Variants in MYO3B observed in about 807,000 individuals in gnomAD.
MYO3B encodes the protein myosin IIIB.
In MYO3B, 156 loss-of-function variants were observed where a neutral mutation model predicts 174.6. That is an observed-to-expected ratio of 0.89 (90% CI 0.78 to 1.02). The LOEUF (loss-of-function observed/expected upper bound fraction) is 1.02. MYO3B is among the 50% of genes least tolerant of loss of function. MYO3B has a pLI of 0.00. For synonymous variants in MYO3B, 563 were observed against 569.1 expected, an observed-to-expected ratio of 0.99 and a Z score of 0.15; for missense variants, 1,632 against 1,639.4, an observed-to-expected ratio of 1.00 and a Z score of 0.08.
intron 32 of MYO3B, among the ~76,000 whole-genome samples, chr2:170,572,588 C>A (rs1277262698): frequency 2.7e-5 from 4 of 146,786 alleles, no homozygotes; most frequent in African/African-American, 1.0e-4. Flanking sequence ...GCACTCCAGC[C>A]TGGGCAATGA....
At chr2:170,572,427 C>CA (rs570741105) in intron 32 of MYO3B, among the ~76,000 whole-genome samples, 9,853 of 132,236 alleles carry the variant, frequency 0.075, 517 homozygotes, top group East Asian at 0.27. Context: ...GACTCTGTCT[C>CA]AAAAAAAAAA....
chr2:170,361,007 C>T (rs911838346), intron 8 of MYO3B, among the ~76,000 whole-genome samples: 1 of 152,192 alleles, frequency 6.6e-6, no homozygotes, highest in Non-Finnish European at 1.5e-5. Context: ...ACTTATGTAG[C>T]ACTCATACTG....
intron 7 of MYO3B, 151 bp downstream of exon 7, chr2:170,236,287 G>C (rs1206602545): frequency 5.4e-6 from 5 of 933,194 alleles, no homozygotes; most frequent in Middle Eastern, 2.5e-4. Flanking sequence ...GGGGGGCTGG[G>C]GGGGACAGAG....
intron 32 of MYO3B, among the ~76,000 whole-genome samples, chr2:170,636,118 A>G (rs1333057686): frequency 3.9e-5 from 6 of 151,980 alleles, no homozygotes; most frequent in Non-Finnish European, 8.8e-5. Context: ...TAGATCTGAC[A>G]TATTCCAGTT....
intron 7 of MYO3B, among the ~76,000 whole-genome samples, chr2:170,272,382 C>T (rs1392366289): frequency 4.6e-5 from 7 of 152,096 alleles, no homozygotes; most frequent in Non-Finnish European, 8.8e-5. Context: ...TGGAGCAGTC[C>T]CCAGCTGGTC....
At chr2:170,436,754 G>T (rs2094757412) in intron 22 of MYO3B, among the ~76,000 whole-genome samples, 1 of 152,196 alleles carries the variant, frequency 6.6e-6, no homozygotes, top group African/African-American at 2.4e-5. Flanking sequence ...GGTGTGTGGG[G>T]TAGTGAACAG....
At chr2:170,548,562 T>C (rs1690687784) in intron 32 of MYO3B, among the ~76,000 whole-genome samples, 1 of 152,154 alleles carries the variant, frequency 6.6e-6, no homozygotes, top group African/African-American at 2.4e-5. Flanking sequence ...GTTATGATTT[T>C]AACAATAACT....
At chr2:170,456,590 C>A (rs28660515) in intron 23 of MYO3B, among the ~76,000 whole-genome samples, 8,118 of 152,236 alleles carry the variant, frequency 0.053, 273 homozygotes, top group South Asian at 0.087. Context: ...ATTTTTCTTA[C>A]CAATAAATAA....
At chr2:170,235,239 G>A (rs1189294531) in intron 6 of MYO3B, among the ~76,000 whole-genome samples, 2 of 152,174 alleles carry the variant, frequency 1.3e-5, no homozygotes, top group Non-Finnish European at 2.9e-5. Context: ...GCTCACTCCT[G>A]ACTTCTCCTA....
intron 16 of MYO3B, among the ~76,000 whole-genome samples, chr2:170,397,649 C>T (rs1208280624): frequency 1.3e-5 from 2 of 152,064 alleles, no homozygotes; most frequent in Non-Finnish European, 2.9e-5. Context: ...GGGTTTTTCT[C>T]CCCCATACCT....
chr2:170,471,051 C>CTT (rs548051129), intron 25 of MYO3B, among the ~76,000 whole-genome samples: 1 of 145,836 alleles, frequency 6.9e-6, no homozygotes, highest in Non-Finnish European at 1.5e-5. Flanking sequence ...GTTGTTTTCT[C>CTT]TTTTTTTTTT....
At chr2:170,639,821 G>C (rs1226588112) in intron 32 of MYO3B, among the ~76,000 whole-genome samples, 1 of 152,168 alleles carries the variant, frequency 6.6e-6, no homozygotes, top group Non-Finnish European at 1.5e-5. Context: ...GGAAACCAGA[G>C]ATAGTATTTC....
chr2:170,521,633 G>T (rs1393905492), intron 30 of MYO3B, among the ~76,000 whole-genome samples: 1 of 152,010 alleles, frequency 6.6e-6, no homozygotes, highest in Non-Finnish European at 1.5e-5. Flanking sequence ...CTGCCATCCA[G>T]GCCCTACCAC....
At chr2:170,319,166 A>T (rs779557381) in intron 7 of MYO3B, among the ~76,000 whole-genome samples, 1 of 152,190 alleles carries the variant, frequency 6.6e-6, no homozygotes, top group Non-Finnish European at 1.5e-5. Context: ...TCAATTCTCA[A>T]ACTGCACTAT....
At chr2:170,190,604 C>T (rs528149773) in intron 1 of MYO3B, among the ~76,000 whole-genome samples, 1 of 152,116 alleles carries the variant, frequency 6.6e-6, no homozygotes, top group East Asian at 1.9e-4. Flanking sequence ...CTTTGCATAG[C>T]AGAGGAGTCT....
chr2:170,602,588 C>G (rs1694582140), intron 32 of MYO3B, among the ~76,000 whole-genome samples: 5 of 152,168 alleles, frequency 3.3e-5, no homozygotes, highest in Admixed American at 3.3e-4. Context: ...TTTGCTTCTG[C>G]TGTTCCCATT....
chr2:170,515,331 G>A (rs1300253337), intron 29 of MYO3B, among the ~76,000 whole-genome samples: 2 of 152,180 alleles, frequency 1.3e-5, no homozygotes, highest in African/African-American at 2.4e-5. Flanking sequence ...GCCTTAACCT[G>A]TCCTCTTGAG....
At chr2:170,544,103 A>G (rs943287302) in intron 32 of MYO3B, 115 bp downstream of exon 32, 21 of 762,178 alleles carry the variant, frequency 2.8e-5, no homozygotes, top group Non-Finnish European at 4.4e-5. Context: ...AATGTTGGCA[A>G]AAAGTTTTGG....
chr2:170,271,094 T>C (rs1470344914), intron 7 of MYO3B, among the ~76,000 whole-genome samples: 1 of 152,194 alleles, frequency 6.6e-6, no homozygotes, highest in Admixed American at 6.5e-5. Context: ...GTAGCAACTT[T>C]GGAAGTCACA....
Sources: gnomAD v4.1 joint callset for allele counts (sites outside exome capture counted in the v4.1 genomes callset) on GRCh38, gnomAD v4.1.1 for gene constraint, MANE v1.5 for transcripts, NCBI Gene and HGNC (gene_info 2026-07-23, HGNC 2026-07-21) for gene names.